PCGF6: variants seen among roughly 807,000 people sequenced by gnomAD.
PCGF6 encodes polycomb group ring finger 6, also known as polycomb group RING finger protein 6.
PCGF6 carries 24 observed loss-of-function variants against 45.5 expected under a neutral mutation model. The observed-to-expected ratio is 0.53, with a 90% CI of 0.38 to 0.74. The LOEUF (loss-of-function observed/expected upper bound fraction) is 0.74. Ranked by LOEUF, PCGF6 falls within the 30% of genes least tolerant of loss-of-function variation. PCGF6 has a pLI of 0.00. For missense variants in PCGF6, 356 were observed against 443.2 expected (o/e 0.80, Z 1.77); for synonymous variants, 152 against 162.1 (o/e 0.94, Z 0.47).
chr10:103,308,699 C>CAAAATTTTG (rs1242205662), intron 9 of PCGF6, among the ~76,000 whole-genome samples: 2 of 151,876 alleles, frequency 1.3e-5, no homozygotes, highest in African/African-American at 4.8e-5. Context: ...TGGTAAAACC[C>CAAAATTTTG]CATCTCTACA....
intron 6 of PCGF6, among the ~76,000 whole-genome samples, chr10:103,343,220 G>A (rs572494442): frequency 4.6e-5 from 7 of 151,982 alleles, no homozygotes; most frequent in South Asian, 4.2e-4. Context: ...GAGCCACCGC[G>A]CCCGGCCTTA....
intron 6 of PCGF6, among the ~76,000 whole-genome samples, chr10:103,339,185 C>A (rs572471807): frequency 6.6e-6 from 1 of 151,850 alleles, no homozygotes; most frequent in Non-Finnish European, 1.5e-5. Context: ...GAGGCCAAGG[C>A]GGGTAGATTG....
At chr10:103,328,134 C>T (rs374036374) in intron 7 of PCGF6, among the ~76,000 whole-genome samples, 19 of 152,236 alleles carry the variant, frequency 1.2e-4, no homozygotes, top group South Asian at 8.3e-4. Context: ...AGACAACTAA[C>T]GATGCTACGA....
rs567287649 is a variant in PCGF6, at chr10:103,303,691, A to G, written c.*214T>C. 86 of 399,784 alleles carry G rather than the reference A, an allele frequency of 2.2e-4. No individual in the cohort carries two copies. The highest frequency in any genetic ancestry group is 3.1e-5 in the Non-Finnish European group (7 of 222,476). The allele number at this position is 399,784 out of a possible 1,614,324, so 24.8% of individuals were successfully genotyped here. On this transcript the variant is annotated 3_prime_UTR_variant, in exon 10 of 10. Transcript: ENST00000369847. Reference sequence around the variant, plus strand: ...TTCAATTTTTGAAAAATTTCCCCTGAGCTTTGGCTGCTTTTTATATACAGT... The same window carrying G: ...TTCAATTTTTGAAAAATTTCCCCTGGGCTTTGGCTGCTTTTTATATACAGT...
chr10:103,320,768 A>G (rs2093194347), intron 8 of PCGF6, among the ~76,000 whole-genome samples: 2 of 152,214 alleles, frequency 1.3e-5, no homozygotes, highest in Admixed American at 1.3e-4. Context: ...AAAAAACTTT[A>G]AAGTTTAACA....
At chr10:103,319,682 T>C (rs61869827) in intron 8 of PCGF6, among the ~76,000 whole-genome samples, 68,542 of 151,960 alleles carry the variant, frequency 0.45, 15,662 homozygotes, top group South Asian at 0.64. Context: ...GTCAAATACA[T>C]AGACCCTCAA....
chr10:103,307,096 CCT>C (rs2093140724), intron 9 of PCGF6, among the ~76,000 whole-genome samples: 1 of 150,554 alleles, frequency 6.6e-6, no homozygotes, highest in South Asian at 2.1e-4. Flanking sequence ...AGAGCCAGAC[CCT>C]GTCTCAAAAA....
chr10:103,320,513 T>A (rs972663179), intron 8 of PCGF6, among the ~76,000 whole-genome samples: 2 of 151,840 alleles, frequency 1.3e-5, no homozygotes, highest in Non-Finnish European at 2.9e-5. Flanking sequence ...ATGGAGAAAC[T>A]CTGTCTACTA....
At position 103,348,799 on chromosome 10, in the gene PCGF6, G is replaced by A; in HGVS notation, c.474C>T (p.Cys158=). The A allele has an allele frequency of 3.1e-6, 5 of 1,612,694 alleles. No individual in the cohort carries two copies. In the South Asian group the frequency reaches 5.5e-5, roughly 18 times the overall value. ...TECLHTFCKS[C]IVRHFYYSNR... The stretch of plus-strand genomic sequence containing the variant: ...TGCTGTAGTAAAAATGTCTTACGAT[G>A]CAGCTTTTACAAACTGTTGAAAAAG... The change falls in exon 3 of 10, where the codon TGC becomes TGT. Residue 158 remains cysteine, a synonymous_variant. Transcript: ENST00000369847.
At chr10:103,333,893 T>C (rs1455748326) in intron 7 of PCGF6, 32 bp downstream of exon 7, 1 of 1,535,878 alleles carries the variant, frequency 6.5e-7, no homozygotes, top group Non-Finnish European at 8.8e-7. Flanking sequence ...CAGAGTCCTC[T>C]TGTGAAATGA....
intron 9 of PCGF6, among the ~76,000 whole-genome samples, chr10:103,306,417 G>C (rs914886707): frequency 1.3e-5 from 2 of 152,126 alleles, no homozygotes; most frequent in African/African-American, 4.8e-5. Flanking sequence ...CTTTTTAAGG[G>C]ACTATTTCTA....
Position 103,339,811 on chromosome 10 carries a change from ACACACACACACACAC to A in PCGF6, c.782+5198_782+5212del, listed in dbSNP as rs1215697752. On this transcript the variant is annotated intron_variant, in intron 6 of 9. Transcript: ENST00000369847. Reference sequence around the variant, plus strand: ...AAATTCTGTCTGTCTCAAAAAAAAAACACACACACACACACACACACACACACACACACACACACA... The same window carrying A: ...AAATTCTGTCTGTCTCAAAAAAAAAAACACACACACACACACACACACACA... 6.4e-3 allele frequency among the ~76,000 whole-genome samples: 289 copies of A among 45,018 alleles called. 13 individuals carry two copies. Among genetic ancestry groups the A allele is most frequent in the East Asian group, 0.044 (85 of 1,930 alleles). 29.5% of individuals were successfully genotyped at this position (45,018 alleles called of 152,430 possible).
intron 9 of PCGF6, among the ~76,000 whole-genome samples, chr10:103,306,398 G>A (rs552013865): frequency 3.3e-5 from 5 of 152,036 alleles, no homozygotes; most frequent in African/African-American, 7.2e-5. Context: ...ACGCCTGGCC[G>A]CAATCCACCT....
chr10:103,338,006 G>A (rs1195940605), intron 6 of PCGF6, among the ~76,000 whole-genome samples: 5 of 47,090 alleles, frequency 1.1e-4, no homozygotes, highest in Non-Finnish European at 2.3e-4. Context: ...GGAGCTTGCA[G>A]TGAGCCGAGA....
intron 9 of PCGF6, among the ~76,000 whole-genome samples, chr10:103,310,740 C>T (rs1417130557): frequency 1.3e-5 from 2 of 152,000 alleles, no homozygotes; most frequent in Admixed American, 6.6e-5. Context: ...CTTACTCTGT[C>T]GCCCAGGCTG....
At chr10:103,341,279 G>A (rs1388035565) in intron 6 of PCGF6, among the ~76,000 whole-genome samples, 3 of 151,008 alleles carry the variant, frequency 2.0e-5, no homozygotes, top group South Asian at 2.1e-4. Context: ...TTTTTGAGAC[G>A]GAGTTTCACT....
chr10:103,325,372 G>A (rs1467237200), intron 8 of PCGF6, among the ~76,000 whole-genome samples: 2 of 151,928 alleles, frequency 1.3e-5, no homozygotes, highest in African/African-American at 4.8e-5. Flanking sequence ...TCCTGCCTCA[G>A]CCTCCTGAGT....
At chr10:103,312,648 C>CAA (rs1198890803) in intron 9 of PCGF6, 1 of 152,440 alleles carries the variant, frequency 6.6e-6, no homozygotes. Context: ...ATAAGCTTCT[C>CAA]AGAGTCATAT....
At chr10:103,321,838 T>C (rs1017203678) in intron 8 of PCGF6, among the ~76,000 whole-genome samples, 5 of 152,136 alleles carry the variant, frequency 3.3e-5, no homozygotes, top group African/African-American at 9.7e-5. Context: ...CATCCCACAA[T>C]GTATACATAT....
Sources: allele counts gnomAD v4.1 joint callset (sites outside exome capture counted in the v4.1 genomes callset), GRCh38; gene constraint gnomAD v4.1.1; transcripts MANE v1.5; gene names NCBI Gene and HGNC (gene_info 2026-07-23, HGNC 2026-07-21).